NCALD: variants seen among roughly 807,000 people sequenced by gnomAD.
NCALD encodes neurocalcin-delta.
In NCALD, 10 loss-of-function variants were observed where a neutral mutation model predicts 18.6. The observed-to-expected ratio is 0.54, with a 90% CI of 0.33 to 0.91. NCALD has a LOEUF of 0.91. Among genes scored for constraint, NCALD ranks in the 40% least tolerant of loss-of-function variants. NCALD has a pLI of 0.03. For synonymous variants in NCALD, 88 were observed against 87.4 expected (o/e 1.01, Z -0.04); for missense variants, 184 against 247.6 (o/e 0.74, Z 1.72).
At chr8:101,899,463 G>A (rs1817336590) in intron 3 of NCALD, among the ~76,000 whole-genome samples, 1 of 151,856 alleles carries the variant, frequency 6.6e-6, no homozygotes, top group Non-Finnish European at 1.5e-5. Context: ...ATCCTTACCT[G>A]ATCTTATGGA....
chr8:101,893,739 A>C lies in NCALD; in HGVS notation c.-106-6512T>G, dbSNP rs1269292590. 8.0e-5 allele frequency among the ~76,000 whole-genome samples: 11 copies of C among 136,696 alleles called. No individual in the cohort carries two copies. The East Asian group carries it at 2.2e-3, about 27-fold the overall frequency. The allele number at this position is 136,696 out of a possible 152,430, so 89.7% of individuals were successfully genotyped here. A position where few individuals can be genotyped will look rare whatever the true frequency, so the allele number is the denominator to read the frequency against. ...CTAGTCTCTGATAAAACAGACTTTA[A>C]ACCAACAAACATCAAAAGAGACAAA... On this transcript the variant is annotated intron_variant, in intron 3 of 6. Coordinates refer to the NCALD transcript ENST00000311028.
chr8:101,710,710 T>C (rs1408063204), intron 2 of NCALD, among the ~76,000 whole-genome samples: 1 of 152,216 alleles, frequency 6.6e-6, no homozygotes, highest in Non-Finnish European at 1.5e-5. Context: ...CAGATGCCTC[T>C]CTAGATTCTT....
Position 101,693,085 on chromosome 8 carries a change from C to T in NCALD, c.379-189G>A. 6.0e-6 allele frequency: 3 copies of T among 497,678 alleles called. No homozygotes were observed. In the South Asian group the frequency reaches 6.4e-5, roughly 11 times the overall value. 30.8% of individuals were successfully genotyped at this position (497,678 alleles called of 1,614,324 possible). A position where few individuals can be genotyped will look rare whatever the true frequency, so the allele number is the denominator to read the frequency against. ...AAGCCGGGCCCACAAAGCTTGTTCT[C>T]CTCCAGTGAGGACCTTCAGGAGGGA... On this transcript the variant is annotated intron_variant, in intron 2 of 3. Transcript: ENST00000220931.
chr8:102,075,413 A>G (rs1368354662), intron 1 of NCALD, among the ~76,000 whole-genome samples: 3 of 152,166 alleles, frequency 2.0e-5, no homozygotes, highest in Admixed American at 2.0e-4. Flanking sequence ...TGATGGGACA[A>G]TAGTGGTACC....
chr8:101,915,552 A>C (rs865778348), intron 3 of NCALD: 1 of 152,342 alleles, frequency 6.6e-6, no homozygotes, highest in Middle Eastern at 3.4e-3. Context: ...GAGTGGTTGC[A>C]AATATACTTT....
intron 4 of NCALD, among the ~76,000 whole-genome samples, chr8:101,829,232 T>C (rs1163065937): frequency 6.6e-6 from 1 of 152,222 alleles, no homozygotes; most frequent in Admixed American, 6.5e-5. Context: ...TGAGGTCTCA[T>C]CTTTTTCTGA....
At chr8:101,805,656 G>A (rs1009734707) in intron 4 of NCALD, among the ~76,000 whole-genome samples, 1 of 152,168 alleles carries the variant, frequency 6.6e-6, no homozygotes, top group African/African-American at 2.4e-5. Flanking sequence ...CTCCCCCAAA[G>A]GAGCTGACTT....
intron 2 of NCALD, among the ~76,000 whole-genome samples, chr8:101,971,126 C>T (rs1052529198): frequency 6.6e-6 from 1 of 152,150 alleles, no homozygotes; most frequent in Non-Finnish European, 1.5e-5. Context: ...ACTTTCCAGA[C>T]ATCAGAATCA....
intron 4 of NCALD, among the ~76,000 whole-genome samples, chr8:101,869,049 G>A (rs1411416295): frequency 6.6e-6 from 1 of 152,228 alleles, no homozygotes; most frequent in Non-Finnish European, 1.5e-5. Context: ...CAGTTCTAGT[G>A]TAGGGTGCAG....
intron 1 of NCALD, among the ~76,000 whole-genome samples, chr8:101,737,390 T>C (rs1410388546): frequency 6.6e-6 from 1 of 152,234 alleles, no homozygotes. Flanking sequence ...AAATATTAAC[T>C]GCTCAGCCTC....
chr8:102,108,915 T>C (rs113851993), intron 1 of NCALD, among the ~76,000 whole-genome samples: 8 of 152,262 alleles, frequency 5.3e-5, no homozygotes, highest in African/African-American at 1.7e-4. Flanking sequence ...TAATGAACTA[T>C]CGGATTGGAA....
intron 2 of NCALD, among the ~76,000 whole-genome samples, chr8:102,006,064 G>GA (rs1007530460): frequency 4.0e-5 from 6 of 151,116 alleles, no homozygotes; most frequent in South Asian, 2.1e-4. Context: ...TAACAAAATG[G>GA]AAAAAAAAGC....
intron 1 of NCALD, among the ~76,000 whole-genome samples, chr8:102,121,932 G>T (rs970326752): frequency 6.6e-6 from 1 of 152,162 alleles, no homozygotes; most frequent in Admixed American, 6.5e-5. Context: ...TTAGTGAAAA[G>T]GACTGGATTT....
intron 4 of NCALD, among the ~76,000 whole-genome samples, chr8:101,828,962 T>G (rs1814058991): frequency 8.6e-6 from 1 of 116,578 alleles, no homozygotes. Flanking sequence ...GATGGGTGAG[T>G]GGGGTGGTGG....
chr8:101,877,514 T>C (rs952229484), intron 4 of NCALD, among the ~76,000 whole-genome samples: 1 of 152,242 alleles, frequency 6.6e-6, no homozygotes, highest in Non-Finnish European at 1.5e-5. Flanking sequence ...ATTTCTCAGC[T>C]ACTACCTAAG....
At chr8:102,117,004 A>T (rs972343296) in intron 1 of NCALD, among the ~76,000 whole-genome samples, 3 of 152,236 alleles carry the variant, frequency 2.0e-5, no homozygotes, top group African/African-American at 7.2e-5. Context: ...TGTGACGTGC[A>T]GCGCAGCTCT....
At chr8:101,694,609 G>T (rs191821418) in intron 2 of NCALD, among the ~76,000 whole-genome samples, 1 of 152,232 alleles carries the variant, frequency 6.6e-6, no homozygotes, top group African/African-American at 2.4e-5. Context: ...TTAGGGTGCT[G>T]TCTAGGATTA....
intron 2 of NCALD, among the ~76,000 whole-genome samples, chr8:101,948,182 C>T (rs1819251506): frequency 6.6e-6 from 1 of 152,170 alleles, no homozygotes; most frequent in South Asian, 2.1e-4. Flanking sequence ...GAAGACGTTG[C>T]AATAATTTAG....
chr8:101,786,626 G>T (rs1285698671), intron 1 of NCALD, among the ~76,000 whole-genome samples: 1 of 152,056 alleles, frequency 6.6e-6, no homozygotes, highest in Non-Finnish European at 1.5e-5. Context: ...CTAATAGATA[G>T]GGCTTAAATT....
Sources: gnomAD v4.1 joint callset for allele counts (sites outside exome capture counted in the v4.1 genomes callset) on GRCh38, gnomAD v4.1.1 for gene constraint, MANE v1.5 for transcripts, NCBI Gene and HGNC (gene_info 2026-07-23, HGNC 2026-07-21) for gene names.